The following CAPN8 variants were observed in gnomAD, a reference collection of about 807,000 sequenced individuals.
CAPN8 encodes calpain-8.
In CAPN8, 87 loss-of-function variants were observed where a neutral mutation model predicts 80.9. That is an observed-to-expected ratio of 1.07 (90% CI 0.90 to 1.28). CAPN8 has a LOEUF of 1.28. CAPN8 is among the 50% of genes most tolerant of loss of function. The probability of loss-of-function intolerance (pLI) is 0.00; values close to 1 mark genes in which losing one functional copy is unlikely to be tolerated. For synonymous variants in CAPN8, 299 were observed against 273.8 expected, an observed-to-expected ratio of 1.09 and a Z score of -0.91; for missense variants, 757 against 702.0, an observed-to-expected ratio of 1.08 and a Z score of -0.89.
At chr1:223,648,916 C>T (rs927623754) in intron 2 of CAPN8, among the ~76,000 whole-genome samples, 2 of 152,104 alleles carry the variant, frequency 1.3e-5, no homozygotes, top group Non-Finnish European at 2.9e-5. Flanking sequence ...GAAACCCCAG[C>T]ACTTATCAAA....
intron 1 of CAPN8, among the ~76,000 whole-genome samples, chr1:223,663,387 C>A (rs1468779582): frequency 7.2e-5 from 11 of 152,192 alleles, no homozygotes; most frequent in African/African-American, 2.4e-4. Flanking sequence ...TGGTACCCCT[C>A]CCTAAGGCTT....
chr1:223,544,052 G>A lies in CAPN8; in HGVS notation c.2029+15C>T. The A allele has an allele frequency of 1.4e-6, 1 of 717,564 alleles. No homozygotes were observed. The allele number at this position is 717,564 out of a possible 1,614,324, so 44.4% of individuals were successfully genotyped here. On this transcript the variant is annotated intron_variant, in intron 19 of 20. Transcript: ENST00000366872. ...TGGGATTAATAGGATGGGGCTGGAG[G>A]ACAGAGTGACTCACTGAAGAGGGTC...
chr1:223,640,708 C>T (rs1658021289), intron 2 of CAPN8, among the ~76,000 whole-genome samples: 1 of 152,136 alleles, frequency 6.6e-6, no homozygotes, highest in African/African-American at 2.4e-5. Context: ...ATAAAGGACC[C>T]TCTTTCTCCA....
chr1:223,635,047 A>G (rs1409208357), intron 2 of CAPN8, among the ~76,000 whole-genome samples: 1 of 152,240 alleles, frequency 6.6e-6, no homozygotes, highest in Non-Finnish European at 1.5e-5. Flanking sequence ...TGAGCAAAAT[A>G]ATGAATGCTG....
chr1:223,609,820 TG>T (rs1656987569), intron 11 of CAPN8, among the ~76,000 whole-genome samples: 1 of 152,236 alleles, frequency 6.6e-6, no homozygotes, highest in Non-Finnish European at 1.5e-5. Context: ...TGTTCACCTT[TG>T]ACTATCTGTG....
At chr1:223,634,739 G>A (rs911658840) in intron 2 of CAPN8, among the ~76,000 whole-genome samples, 3 of 152,214 alleles carry the variant, frequency 2.0e-5, no homozygotes, top group Admixed American at 6.5e-5. Flanking sequence ...TTTTATAAAG[G>A]CACTAATCCC....
At chr1:223,642,215 G>A (rs1658062936) in intron 2 of CAPN8, among the ~76,000 whole-genome samples, 1 of 152,206 alleles carries the variant, frequency 6.6e-6, no homozygotes, top group Non-Finnish European at 1.5e-5. Flanking sequence ...AAGTCACTAA[G>A]AGTTTCAAAG....
At chr1:223,659,871 G>C (rs1272236756) in intron 1 of CAPN8, among the ~76,000 whole-genome samples, 2 of 152,156 alleles carry the variant, frequency 1.3e-5, no homozygotes, top group Admixed American at 1.3e-4. Context: ...CCAGAAACCT[G>C]ATCTACCTGA....
At chr1:223,665,345 C>G in intron 1 of CAPN8, 65 bp downstream of exon 1, 3 of 1,318,300 alleles carry the variant, frequency 2.3e-6, no homozygotes, top group Non-Finnish European at 3.2e-6. Context: ...TCCCTCAGTT[C>G]CTCCTGATCA....
intron 9 of CAPN8, among the ~76,000 whole-genome samples, chr1:223,618,512 G>T (rs1337051279): frequency 6.6e-6 from 1 of 152,200 alleles, no homozygotes; most frequent in South Asian, 2.1e-4. Context: ...AGCTCTATTG[G>T]ATGCAGCCTA....
intron 15 of CAPN8, 77 bp downstream of exon 15, chr1:223,550,883 A>T: frequency 1.4e-6 from 1 of 692,280 alleles, no homozygotes; most frequent in South Asian, 1.6e-5. Flanking sequence ...CTGCCAGCCC[A>T]ATGCCTGCCT....
chr1:223,665,460 G>A lies in CAPN8; in HGVS notation c.187C>T (p.Leu63Phe). The change falls in exon 1 of 21, where the codon CTT (leucine) becomes TTT (phenylalanine). Residue 63 changes from leucine to phenylalanine, a missense_variant. Physicochemically the swap from Leu to Phe is conservative, Grantham distance 22. Transcript: ENST00000366872. ...ACPSALGYKD[L>F]GPGSPQTQGI... Reference sequence around the variant, plus strand: ...TGAGTTTGCGGAGAGCCTGGTCCAAGATCCTTGTAGCCCAAAGCTGATGGA... The same window carrying A: ...TGAGTTTGCGGAGAGCCTGGTCCAAAATCCTTGTAGCCCAAAGCTGATGGA... The A allele has an allele frequency of 6.4e-7, 1 of 1,552,158 alleles. No individual in the cohort carries two copies.
chr1:223,618,144 G>T, intron 9 of CAPN8: 4 of 1,343,150 alleles, frequency 3.0e-6, no homozygotes, highest in Middle Eastern at 1.8e-4. Flanking sequence ...AGCAAACCAG[G>T]CAGGGAACAT....
rs142121284 is a variant in CAPN8 at position 223,619,159 on chromosome 1, A to G, written c.1135+134T>C. The G allele has an allele frequency of 2.2e-4, 238 of 1,067,648 alleles. No individual in the cohort carries two copies. The African/African-American group carries it at 3.4e-3, about 15-fold the overall frequency. The allele number at this position is 1,067,648 out of a possible 1,614,324, so 66.1% of individuals were successfully genotyped here. On this transcript the variant is annotated intron_variant, in intron 9 of 20. Coordinates refer to ENST00000366872, the MANE Select transcript of CAPN8 (RefSeq NM_001143962.2). ...TGATGAGCAGAGATCGTGCCACTAC[A>G]CTCCAACCTGGGGAACAGAGCAAGG...
intron 5 of CAPN8, 123 bp downstream of exon 5, chr1:223,626,866 G>T: frequency 5.0e-6 from 5 of 995,886 alleles, no homozygotes; most frequent in Non-Finnish European, 7.3e-6. Context: ...TGCCCACTAA[G>T]CTCCAGACTC....
intron 2 of CAPN8, among the ~76,000 whole-genome samples, chr1:223,651,849 G>A (rs933146350): frequency 1.3e-5 from 2 of 152,240 alleles, no homozygotes; most frequent in Admixed American, 1.3e-4. Context: ...GTGCCAAACA[G>A]TGTTGATAGT....
At chr1:223,630,913 A>G (rs1657756040) in intron 2 of CAPN8, among the ~76,000 whole-genome samples, 1 of 152,104 alleles carries the variant, frequency 6.6e-6, no homozygotes, top group African/African-American at 2.4e-5. Flanking sequence ...CCTCCCACCC[A>G]GCTCCTCTCA....
At chr1:223,652,563 A>G (rs1658371127) in intron 2 of CAPN8, among the ~76,000 whole-genome samples, 2 of 151,858 alleles carry the variant, frequency 1.3e-5, no homozygotes, top group Non-Finnish European at 1.5e-5. Flanking sequence ...CAATTCACCC[A>G]CTGTTCAGGA....
chr1:223,611,612 T>C (rs924090207), intron 11 of CAPN8, among the ~76,000 whole-genome samples: 25 of 152,326 alleles, frequency 1.6e-4, no homozygotes, highest in African/African-American at 5.1e-4. Flanking sequence ...TTGAATTTTT[T>C]CCTGGGTGAA....
Sources: gnomAD v4.1 joint callset for allele counts (sites outside exome capture counted in the v4.1 genomes callset) on GRCh38, gnomAD v4.1.1 for gene constraint, MANE v1.5 for transcripts, NCBI Gene and HGNC (gene_info 2026-07-23, HGNC 2026-07-21) for gene names.